The following TMEM222 variants were observed in gnomAD, a reference collection of about 807,000 sequenced individuals.
TMEM222 encodes the protein transmembrane protein 222.
TMEM222 carries 18 observed loss-of-function variants against 25.1 expected under a neutral mutation model. The ratio of observed to expected loss-of-function variants is 0.72; its 90% CI spans 0.50 to 1.06. The LOEUF (loss-of-function observed/expected upper bound fraction) is 1.06, where lower values mean the gene tolerates loss of function less well. Ranked by LOEUF, TMEM222 falls within the 50% of genes least tolerant of loss-of-function variation. TMEM222 has a pLI of 0.00. For missense variants in TMEM222, 296 were observed against 293.7 expected (o/e 1.01, Z -0.06); for synonymous variants, 131 against 117.9 (o/e 1.11, Z -0.72).
intron 3 of TMEM222, 96 bp downstream of exon 3, chr1:27,332,197 G>T: frequency 6.9e-7 from 1 of 1,439,654 alleles, no homozygotes; most frequent in Non-Finnish European, 9.8e-7. Flanking sequence ...CCAGCACCCT[G>T]AGAATAGAGT....
chr1:27,333,300 C>G, intron 3 of TMEM222: 1 of 470,704 alleles, frequency 2.1e-6, no homozygotes, highest in Admixed American at 2.3e-5. Context: ...TTCCCTCAGC[C>G]TGGAATGCCC....
intron 1 of TMEM222, among the ~76,000 whole-genome samples, chr1:27,329,708 A>G (rs943611345): frequency 4.6e-5 from 7 of 152,238 alleles, no homozygotes; most frequent in African/African-American, 1.7e-4. Context: ...GTACAGTTCA[A>G]TGAGTTTTGG....
At position 27,336,241 on chromosome 1, in the gene TMEM222, A is replaced by C. The variant is rs1320153329; in HGVS notation, c.*775A>C. The C allele has an allele frequency of 6.6e-6, 1 of 152,478 alleles. No homozygotes were observed. The highest frequency in any genetic ancestry group is 1.5e-5 in the Non-Finnish European group (1 of 68,246). The allele number at this position is 152,478 out of a possible 1,614,324, so 9.4% of individuals were successfully genotyped here. On this transcript the variant is annotated 3_prime_UTR_variant, in exon 6 of 6. Transcript: ENST00000374076. ...GCTCCCCTGGGTGGCCTGCCAGCAC[A>C]GCCAGTGCCATCAGGGAGCTGAAGG... is the stretch of plus-strand genomic sequence containing the variant.
intron 1 of TMEM222, among the ~76,000 whole-genome samples, chr1:27,330,038 G>T (rs528704381): frequency 6.6e-6 from 1 of 151,298 alleles, no homozygotes; most frequent in South Asian, 2.1e-4. Flanking sequence ...GGAGGCGGAG[G>T]TTGCAGTGAG....
At chr1:27,325,764 G>C (rs2014330154) in intron 1 of TMEM222, 3 of 847,014 alleles carry the variant, frequency 3.5e-6, no homozygotes, top group South Asian at 1.3e-5. Context: ...TGACGAGTCA[G>C]GCCCCTGTAT....
chr1:27,333,667 C>T, intron 3 of TMEM222: 2 of 453,386 alleles, frequency 4.4e-6, no homozygotes, highest in South Asian at 2.1e-5. Flanking sequence ...GCCCCACCTC[C>T]TCATACCATC....
Position 27,332,119 on chromosome 1 carries a change from A to C in TMEM222, c.311+18A>C. On this transcript the variant is annotated intron_variant, in intron 3 of 5. Coordinates refer to ENST00000374076, the MANE Select transcript of TMEM222 (RefSeq NM_032125.3). ...CCTGCCAAGTAAGTGATGAACACCC[A>C]TGTGACTGGCTCTAGAGGCAGGTCG... 1 of 1,614,238 alleles carries C rather than the reference A, an allele frequency of 6.2e-7. No individual in the cohort carries two copies.
At position 27,335,464 on chromosome 1, in the gene TMEM222, T is replaced by G; in HGVS notation, c.625T>G (p.Ter209GlyextTer50). 6.2e-7 allele frequency: 1 copy of G among 1,614,142 alleles called. No individual in the cohort carries two copies. Among genetic ancestry groups the G allele is most frequent in the Non-Finnish European group, 8.5e-7 (1 of 1,179,974 alleles). ...CGTCAGCCTGGTCTTTAACCTCCGG[T>G]GATGGCTGCTCGGTGGCCCCACACC... is the stretch of plus-strand genomic sequence containing the variant. ...LTVSLVFNLR[*>G] The change falls in exon 6 of 6, where the codon TGA becomes GGA. Residue 209 changes from the stop codon to glycine, a stop_lost. Coordinates refer to ENST00000374076, the MANE Select transcript of TMEM222 (RefSeq NM_032125.3).
chr1:27,331,946 A>G, intron 2 of TMEM222, 124 bp from the exon 3 acceptor site: 1 of 606,942 alleles, frequency 1.6e-6, no homozygotes, highest in Non-Finnish European at 3.1e-6. Flanking sequence ...CCCAGGCCCC[A>G]CTTCTGGCCC....
At chr1:27,334,934 C>G in intron 5 of TMEM222, 1 of 558,860 alleles carries the variant, frequency 1.8e-6, no homozygotes, top group Non-Finnish European at 2.5e-6. Flanking sequence ...CTGCTTGGCT[C>G]CAGCCACAAC....
At chr1:27,335,265 G>C in intron 5 of TMEM222, 114 bp from the exon 6 acceptor site, 1 of 1,009,392 alleles carries the variant, frequency 9.9e-7, no homozygotes, top group Non-Finnish European at 1.5e-6. Flanking sequence ...GGGGGTGGTT[G>C]GGTTTTCCTT....
chr1:27,327,926 G>T (rs549844863), intron 1 of TMEM222, among the ~76,000 whole-genome samples: 2 of 152,344 alleles, frequency 1.3e-5, no homozygotes, highest in South Asian at 4.1e-4. Flanking sequence ...ACTCTTAAAT[G>T]CAGGATGTTC....
At chr1:27,330,658 G>T in intron 1 of TMEM222, 62 bp from the exon 2 acceptor site, 1 of 1,384,380 alleles carries the variant, frequency 7.2e-7, no homozygotes, top group Non-Finnish European at 1.0e-6. Context: ...GGTCCCCAGC[G>T]TCCGTCTAAC....
At chr1:27,331,162 G>GAATCA in intron 2 of TMEM222, 8 of 1,136,122 alleles carry the variant, frequency 7.0e-6, no homozygotes, top group Non-Finnish European at 8.7e-6. Context: ...GGGGGGACAC[G>GAATCA]GGAGGCTGAT....
At chr1:27,330,516 G>A (rs139581692) in intron 1 of TMEM222, among the ~76,000 whole-genome samples, 2 of 152,280 alleles carry the variant, frequency 1.3e-5, no homozygotes, top group Non-Finnish European at 2.9e-5. Context: ...CCATCCTGGC[G>A]GGATGCTGAG....
chr1:27,332,320 C>T, intron 3 of TMEM222: 1 of 705,918 alleles, frequency 1.4e-6, no homozygotes, highest in Non-Finnish European at 2.6e-6. Flanking sequence ...CCATCTGGGC[C>T]TTGCCACAGC....
intron 1 of TMEM222, among the ~76,000 whole-genome samples, chr1:27,322,894 C>G (rs2014241456): frequency 6.6e-6 from 1 of 152,052 alleles, no homozygotes; most frequent in Admixed American, 6.5e-5. Context: ...CACGTGCCAT[C>G]TCAGTTGCAA....
intron 3 of TMEM222, 44 bp from the exon 4 acceptor site, chr1:27,333,914 A>T (rs2014540473): frequency 1.3e-6 from 2 of 1,579,214 alleles, no homozygotes; most frequent in South Asian, 1.1e-5. Context: ...AGCTGAGGGC[A>T]CAAAGGAGCC....
At chr1:27,324,476 G>A (rs925864571) in intron 1 of TMEM222, among the ~76,000 whole-genome samples, 7 of 152,190 alleles carry the variant, frequency 4.6e-5, no homozygotes, top group African/African-American at 2.4e-5. Context: ...GCAGCGTGAG[G>A]TGGAGGCACC....
Sources: gnomAD v4.1 joint callset for allele counts (sites outside exome capture counted in the v4.1 genomes callset) on GRCh38, gnomAD v4.1.1 for gene constraint, MANE v1.5 for transcripts, NCBI Gene and HGNC (gene_info 2026-07-23, HGNC 2026-07-21) for gene names.